SULF1: variants seen among roughly 807,000 people sequenced by gnomAD.
SULF1 encodes extracellular sulfatase Sulf-1.
Under a neutral mutation model 110.5 loss-of-function variants are expected in SULF1, and 46 were observed. The observed-to-expected ratio is 0.42, with a 90% CI of 0.33 to 0.53. SULF1 has a LOEUF of 0.53. Ranked by LOEUF, SULF1 falls within the 20% of genes least tolerant of loss-of-function variation. SULF1 has a pLI of 0.12. For synonymous variants in SULF1, 371 were observed against 387.1 expected, an observed-to-expected ratio of 0.96 and a Z score of 0.49; for missense variants, 941 against 1,094.2, an observed-to-expected ratio of 0.86 and a Z score of 1.98.
At chr8:69,633,739 C>T (rs1810763754) in intron 19 of SULF1, among the ~76,000 whole-genome samples, 1 of 152,004 alleles carries the variant, frequency 6.6e-6, no homozygotes, top group South Asian at 2.1e-4. Context: ...TAGGAATACA[C>T]GTGCCATGGT....
At chr8:69,507,702 T>C (rs530640913) in intron 3 of SULF1, among the ~76,000 whole-genome samples, 3 of 152,340 alleles carry the variant, frequency 2.0e-5, no homozygotes, top group African/African-American at 7.2e-5. Flanking sequence ...GCTTTTTACA[T>C]TGGTATCTGC....
chr8:69,514,957 A>C (rs982698776), intron 3 of SULF1, among the ~76,000 whole-genome samples: 1 of 152,172 alleles, frequency 6.6e-6, no homozygotes, highest in Non-Finnish European at 1.5e-5. Flanking sequence ...GTGGTTCTGC[A>C]GGGTACAACC....
intron 16 of SULF1, 84 bp downstream of exon 16, chr8:69,627,390 A>G (rs1345290160): frequency 2.2e-6 from 2 of 904,574 alleles, no homozygotes; most frequent in Non-Finnish European, 3.6e-6. Context: ...GGGACATACC[A>G]CAGATACACA....
intron 15 of SULF1, among the ~76,000 whole-genome samples, chr8:69,626,887 A>C (rs1182603540): frequency 1.3e-5 from 2 of 152,220 alleles, no homozygotes; most frequent in Non-Finnish European, 2.9e-5. Context: ...GGGAGCCGGC[A>C]CTGGCCTTGG....
At chr8:69,490,458 C>T (rs1809890686), upstream of SULF1, among the ~76,000 whole-genome samples, 1 of 152,028 alleles carries the variant, frequency 6.6e-6, no homozygotes, top group Non-Finnish European at 1.5e-5. Context: ...AGCAACAAAA[C>T]CATTGTCTCA....
chr8:69,568,856 A>G (rs1406651828), intron 5 of SULF1, among the ~76,000 whole-genome samples: 2 of 152,196 alleles, frequency 1.3e-5, no homozygotes, highest in Admixed American at 1.3e-4. Flanking sequence ...TTCACATTCT[A>G]TTTCAAAACT....
At chr8:69,576,399 T>C (rs1269189288) in intron 6 of SULF1, among the ~76,000 whole-genome samples, 190 bp downstream of exon 6, 1 of 152,262 alleles carries the variant, frequency 6.6e-6, no homozygotes, top group African/African-American at 2.4e-5. Flanking sequence ...TATTTATTAA[T>C]TAATGAAAAA....
chr8:69,649,628 AG>A (rs1427660185), intron 22 of SULF1, among the ~76,000 whole-genome samples: 1 of 152,160 alleles, frequency 6.6e-6, no homozygotes, highest in East Asian at 1.9e-4. Context: ...GATATTTTAA[AG>A]AGTGCATGCC....
intron 1 of SULF1, among the ~76,000 whole-genome samples, chr8:69,479,523 C>T (rs1809431736): frequency 6.6e-6 from 1 of 152,126 alleles, no homozygotes; most frequent in South Asian, 2.1e-4. Context: ...GAAAGACGAA[C>T]TTATTGCACA....
chr8:69,498,298 C>T (rs1810521508), intron 2 of SULF1, among the ~76,000 whole-genome samples: 1 of 152,242 alleles, frequency 6.6e-6, no homozygotes, highest in Non-Finnish European at 1.5e-5. Flanking sequence ...AGCTTCAGCA[C>T]TGTGGGCTGA....
chr8:69,485,803 G>A (rs898814360), intron 1 of SULF1, among the ~76,000 whole-genome samples: 2 of 152,160 alleles, frequency 1.3e-5, no homozygotes, highest in African/African-American at 4.8e-5. Flanking sequence ...ACAAGAAGAG[G>A]AGGTGAAAAA....
chr8:69,572,657 A>G (rs1044196240), intron 5 of SULF1, among the ~76,000 whole-genome samples: 5 of 152,118 alleles, frequency 3.3e-5, no homozygotes, highest in African/African-American at 1.2e-4. Flanking sequence ...GGCTTCACCC[A>G]GGTTTCATTA....
At chr8:69,609,621 A>G (rs1808483030) in intron 13 of SULF1, among the ~76,000 whole-genome samples, 1 of 152,098 alleles carries the variant, frequency 6.6e-6, no homozygotes, top group African/African-American at 2.4e-5. Context: ...CAAAGCCAAA[A>G]CCTGCATCTC....
chr8:69,507,577 T>C (rs1811281537), intron 3 of SULF1, among the ~76,000 whole-genome samples: 1 of 152,230 alleles, frequency 6.6e-6, no homozygotes, highest in Admixed American at 6.5e-5. Flanking sequence ...GTTATTAAGA[T>C]TCTGTCATTA....
At chr8:69,650,527 C>T (rs532616880) in intron 22 of SULF1, among the ~76,000 whole-genome samples, 45 of 152,250 alleles carry the variant, frequency 3.0e-4, no homozygotes, top group African/African-American at 1.1e-3. Flanking sequence ...CCTGTTGTCC[C>T]AGTTACTCAG....
At chr8:69,628,049 C>G in intron 17 of SULF1, 122 bp from the exon 18 acceptor site, 1 of 953,798 alleles carries the variant, frequency 1.0e-6, no homozygotes. Context: ...AAGTCACATT[C>G]AGCTAAAATA....
At chr8:69,647,251 G>A (rs1013930704) in intron 22 of SULF1, among the ~76,000 whole-genome samples, 3 of 152,030 alleles carry the variant, frequency 2.0e-5, no homozygotes, top group African/African-American at 7.2e-5. Context: ...CTGAGCCCTG[G>A]AATTTTGAAG....
intron 1 of SULF1, among the ~76,000 whole-genome samples, chr8:69,476,247 A>T (rs747787474): frequency 6.6e-6 from 1 of 152,142 alleles, no homozygotes; most frequent in Non-Finnish European, 1.5e-5. Context: ...CCTTAATTTT[A>T]TGATTTGGGA....
chr8:69,579,121 A>G (rs1329992958), intron 6 of SULF1, among the ~76,000 whole-genome samples: 1 of 147,988 alleles, frequency 6.8e-6, no homozygotes, highest in African/African-American at 2.5e-5. Flanking sequence ...AGATCGTGCC[A>G]CTGCACTCCA....
Sources: gnomAD v4.1 joint callset for allele counts (sites outside exome capture counted in the v4.1 genomes callset) on GRCh38, gnomAD v4.1.1 for gene constraint, MANE v1.5 for transcripts, NCBI Gene and HGNC (gene_info 2026-07-23, HGNC 2026-07-21) for gene names.